The following SACS variants were observed in gnomAD, a reference collection of about 807,000 sequenced individuals.
SACS encodes the protein sacsin molecular chaperone, also known as sacsin.
A neutral mutation model predicts 348.0 loss-of-function variants in SACS; 197 were observed. That is an observed-to-expected ratio of 0.57 (90% CI 0.50 to 0.64). The LOEUF is 0.64. SACS is among the 30% of genes least tolerant of loss of function. The pLI is 0.00. For missense variants in SACS, 4,999 were observed against 5,360.8 expected (o/e 0.93, Z 2.11); for synonymous variants, 1,985 against 1,910.6 (o/e 1.04, Z -1.02).
chr13:23,380,389 G>T (rs1423678782), intron 2 of SACS, among the ~76,000 whole-genome samples: 3 of 152,024 alleles, frequency 2.0e-5, no homozygotes, highest in Non-Finnish European at 4.4e-5. Flanking sequence ...TTTTAACAAA[G>T]GATTTTAATT....
At chr13:23,368,866 T>A (rs1871212290) in intron 4 of SACS, among the ~76,000 whole-genome samples, 1 of 150,322 alleles carries the variant, frequency 6.7e-6, no homozygotes, top group South Asian at 2.1e-4. Context: ...GCCCAGCTAA[T>A]TTTTTTGTAT....
In SACS at chr13:23,335,787, T is replaced by C. The variant is rs1167124705; in HGVS notation, c.8089A>G (p.Met2697Val). 9.9e-6 allele frequency: 16 copies of C among 1,614,052 alleles called. No individual in the cohort carries two copies. Among genetic ancestry groups the C allele is most frequent in the East Asian group, 4.5e-5 (2 of 44,882 alleles). Reference protein sequence around the residue: ...GTHFKLDNCTMFRFPLRNAEM... With the variant: ...GTHFKLDNCTVFRFPLRNAEM... Reference sequence around the variant, plus strand: ...GCATTACGAAGAGGAAATCTGAACATTGTGCAATTATCCAGTTTAAAATGG... The same window carrying C: ...GCATTACGAAGAGGAAATCTGAACACTGTGCAATTATCCAGTTTAAAATGG... The change falls in exon 10 of 10, where the codon ATG becomes GTG. Residue 2697 changes from methionine (M) to valine (V), a missense_variant. Physicochemically the swap from Met to Val is conservative, Grantham distance 21. Around this residue, in one of 6 missense-constraint regions of SACS, gnomAD observed 3,156 missense variants for 3,380.1 expected, o/e 0.93. Transcript: ENST00000382292. This position sits in a 1 kb window ranked among gnomAD's most constrained non-coding sequence, Gnocchi z 4.7.
intron 2 of SACS, among the ~76,000 whole-genome samples, chr13:23,389,852 T>C (rs1872458855): frequency 6.6e-6 from 1 of 152,152 alleles, no homozygotes; most frequent in African/African-American, 2.4e-5. Context: ...TTGCAGGGAG[T>C]TGGGGGATGG....
Position 23,336,865 on chromosome 13 carries a change from A to C in SACS, c.7011T>G (p.Ile2337Met), listed in dbSNP as rs1325110770. The C allele has an allele frequency of 6.2e-7, 1 of 1,613,446 alleles. No homozygotes were observed. The highest frequency in any genetic ancestry group is 1.1e-5 in the South Asian group (1 of 91,028). ...AGCTAAAGGGTTTTAACTTATCAAT[A>C]ATTGACATCTTAGTGATTTCATTTT... ...LMQNEITKMS[I>M]IDKLKPFSFI... Residue 2337 changes from isoleucine to methionine, a missense_variant, in exon 10 of 10, where the codon ATT becomes ATG. Coordinates refer to ENST00000382292, the MANE Select transcript of SACS (RefSeq NM_014363.6).
At chr13:23,384,312 C>T (rs916943833) in intron 2 of SACS, among the ~76,000 whole-genome samples, 3 of 152,228 alleles carry the variant, frequency 2.0e-5, no homozygotes, top group African/African-American at 7.2e-5. Flanking sequence ...TACTCATCAA[C>T]TATGGAAAGT....
rs1417322254 is a variant in SACS at position 23,335,693 on chromosome 13, T to C, written c.8183A>G (p.Asp2728Gly). The part of the protein sequence containing the change: ...ASDRMVQNLL[D>G]KLRSDGAELL... The stretch of plus-strand genomic sequence containing the variant: ...TTCTGCCCCATCTGAGCGCAGTTTG[T>C]CCAAAAGATTCTGGACCATTCTGTC... Residue 2728 changes from aspartate (D) to glycine (G), a missense_variant, in exon 10 of 10, where the codon GAC becomes GGC. Around this residue, in one of 6 missense-constraint regions of SACS, gnomAD observed 3,156 missense variants for 3,380.1 expected, o/e 0.93. Transcript: ENST00000382292. This position sits in a 1 kb window ranked among gnomAD's most constrained non-coding sequence, Gnocchi z 4.7. 6.2e-7 allele frequency: 1 copy of C among 1,613,956 alleles called. No homozygotes were observed. The highest frequency in any genetic ancestry group is 8.5e-7 in the Non-Finnish European group (1 of 1,179,920).
At position 23,329,238 on chromosome 13, in the gene SACS, T is replaced by A. The variant is rs1883316555; in HGVS notation, c.*898A>T. Reference sequence around the variant, plus strand: ...TAAAAAAACTCCACTACATGCCATATTGAAAGAAAAGGTTGTTTTTTTTTT... The same window carrying A: ...TAAAAAAACTCCACTACATGCCATAATGAAAGAAAAGGTTGTTTTTTTTTT... On this transcript the variant is annotated 3_prime_UTR_variant, in exon 10 of 10. Coordinates refer to ENST00000382292, the MANE Select transcript of SACS (RefSeq NM_014363.6). 2 of 505,338 alleles carry A rather than the reference T, an allele frequency of 4.0e-6. No homozygotes were observed. The highest frequency in any genetic ancestry group is 7.2e-5 in the South Asian group (2 of 27,872). The allele number at this position is 505,338 out of a possible 1,614,324, so 31.3% of individuals were successfully genotyped here. A position where few individuals can be genotyped will look rare whatever the true frequency, so the allele number is the denominator to read the frequency against.
Position 23,337,725 on chromosome 13 carries a change from ATG to A in SACS, c.6149_6150del (p.Thr2050IlefsTer9). 1 of 1,613,374 alleles carries A rather than the reference ATG, an allele frequency of 6.2e-7. No individual in the cohort carries two copies. Among genetic ancestry groups the A allele is most frequent in the Non-Finnish European group, 8.5e-7 (1 of 1,179,860 alleles). ...TCAGAAAAAAACTGTTTCTCTGAAA[ATG>A]TGTTTTCAAGTAGTATCTGTTTGCA... ...AGCKQILLEN[T>X]FSEKQFFSEV... is the part of the protein sequence containing the mutation. On this transcript the variant is annotated frameshift_variant, in exon 10 of 10. Transcript: ENST00000382292. LOFTEE classifies it high-confidence loss of function.
At position 23,332,595 on chromosome 13, in the gene SACS, A is replaced by G. The variant is rs759605866; in HGVS notation, c.11281T>C (p.Leu3761=). The G allele has an allele frequency of 1.2e-6, 2 of 1,613,650 alleles. No individual in the cohort carries two copies. Among genetic ancestry groups the G allele is most frequent in the East Asian group, 2.2e-5 (1 of 44,868 alleles). ...CTAGTTTTTACCATTTCTTCATCCAACGTCGTTATGTTGCATATGTTTCTG... is the reference window on the plus strand; with the variant it reads ...CTAGTTTTTACCATTTCTTCATCCAGCGTCGTTATGTTGCATATGTTTCTG... ...NCRNICNITT[L]DEEMVKTRAK... The change falls in exon 10 of 10, where the codon TTG becomes CTG. Residue 3761 remains leucine (L), a synonymous_variant. Coordinates refer to ENST00000382292, the MANE Select transcript of SACS (RefSeq NM_014363.6).
rs182632262 is a variant in SACS, at chr13:23,408,826, G to A, written c.20+2394C>T. On this transcript the variant is annotated intron_variant, in intron 2 of 9. Coordinates refer to ENST00000382292, the MANE Select transcript of SACS (RefSeq NM_014363.6). ...TAAAAATACAAAAAATTAGCCGGGC[G>A]TGGTGGTGGGCACCTGTAGTCCCAG... Among the ~76,000 whole-genome samples, 861 of 151,700 alleles carry A rather than the reference G, an allele frequency of 5.7e-3. 12 individuals carry two copies. Among genetic ancestry groups the A allele is most frequent in the African/African-American group, 0.02 (832 of 41,398 alleles).
At chr13:23,404,252 G>A (rs1268040422) in intron 2 of SACS, among the ~76,000 whole-genome samples, 1 of 152,106 alleles carries the variant, frequency 6.6e-6, no homozygotes, top group Non-Finnish European at 1.5e-5. Flanking sequence ...GATGTTGGAT[G>A]CAAGGCTGGT....
intron 9 of SACS, among the ~76,000 whole-genome samples, chr13:23,345,143 C>T (rs1313305442): frequency 6.6e-6 from 1 of 152,184 alleles, no homozygotes; most frequent in Admixed American, 6.5e-5. Context: ...TTCTCTTGTA[C>T]AGAAAGAGGC....
At chr13:23,406,470 TA>T (rs1435551271) in intron 2 of SACS, among the ~76,000 whole-genome samples, 2 of 152,138 alleles carry the variant, frequency 1.3e-5, no homozygotes, top group Non-Finnish European at 2.9e-5. Context: ...ATGGTACATG[TA>T]TACTTATGTA....
intron 2 of SACS, among the ~76,000 whole-genome samples, chr13:23,393,961 C>T (rs748643375): frequency 2.6e-5 from 4 of 152,146 alleles, no homozygotes; most frequent in Admixed American, 6.5e-5. Context: ...GAGGTTTCAC[C>T]GTGTTATCCA....
At chr13:23,359,213 A>C (rs1870585054) in intron 6 of SACS, among the ~76,000 whole-genome samples, 1 of 152,216 alleles carries the variant, frequency 6.6e-6, no homozygotes, top group South Asian at 2.1e-4. Flanking sequence ...AGAAATATGG[A>C]GACTTGCTAT....
rs1555250255 is a variant in SACS at position 23,333,492 on chromosome 13, GTTCTT to G, written c.10379_10383del (p.Lys3460ThrfsTer3). 6.2e-7 allele frequency: 1 copy of G among 1,613,244 alleles called. No homozygotes were observed. The highest frequency in any genetic ancestry group is 2.2e-5 in the East Asian group (1 of 44,846). ...GGTACACAACCAATCACCTCATATA[GTTCTT>G]TTAAGTGTATTTTTTCTTCAAGAAA... On this transcript the variant is annotated frameshift_variant, in exon 10 of 10. Coordinates refer to ENST00000382292, the MANE Select transcript of SACS (RefSeq NM_014363.6). LOFTEE classifies it high-confidence loss of function.
intron 2 of SACS, among the ~76,000 whole-genome samples, chr13:23,405,257 C>T (rs1198905248): frequency 2.0e-5 from 3 of 152,082 alleles, no homozygotes; most frequent in Non-Finnish European, 1.5e-5. Context: ...AATAATGCCA[C>T]ACATCTACAA....
intron 1 of SACS, among the ~76,000 whole-genome samples, chr13:23,417,932 G>A (rs1363899500): frequency 6.6e-6 from 1 of 151,896 alleles, no homozygotes; most frequent in African/African-American, 2.4e-5. Flanking sequence ...AGCCAGGCAT[G>A]GTGGCACGCA....
chr13:23,378,576 G>A (rs1871912344), intron 2 of SACS, among the ~76,000 whole-genome samples: 1 of 152,082 alleles, frequency 6.6e-6, no homozygotes, highest in African/African-American at 2.4e-5. Context: ...GAGCAGCTGG[G>A]ATTACAGGTG....
Sources: gnomAD v4.1 joint callset for allele counts (sites outside exome capture counted in the v4.1 genomes callset) on GRCh38, gnomAD v4.1.1 for gene constraint, gnomAD v4.1.1 regional missense constraint, Gnocchi (gnomAD v3.1) non-coding constraint, MANE v1.5 for transcripts, NCBI Gene and HGNC (gene_info 2026-07-23, HGNC 2026-07-21) for gene names.